PCDH11X: variants seen among roughly 807,000 people sequenced by gnomAD.
PCDH11X encodes the protein protocadherin 11 X-linked, also known as protocadherin-11 X-linked.
Under a neutral mutation model 53.3 loss-of-function variants are expected in PCDH11X, and 18 were observed. The ratio of observed to expected loss-of-function variants is 0.34; its 90% CI spans 0.23 to 0.50. The LOEUF (loss-of-function observed/expected upper bound fraction) is 0.50, where lower values mean the gene tolerates loss of function less well. PCDH11X is among the 20% of genes least tolerant of loss of function. The pLI, the probability that PCDH11X is intolerant of heterozygous loss-of-function variation, is 0.98. For missense variants in PCDH11X, 570 were observed against 1,032.4 expected, an observed-to-expected ratio of 0.55 and a Z score of 6.14; for synonymous variants, 279 against 393.3, an observed-to-expected ratio of 0.71 and a Z score of 3.44.
At chrX:92,125,730 T>C (rs2064848708) in intron 6 of PCDH11X, among the ~76,000 whole-genome samples, 1 of 110,391 alleles carries the variant, frequency 9.1e-6, no homozygotes, top group Non-Finnish European at 1.9e-5. Flanking sequence ...ACACGTGCCA[T>C]GTTGGTGTGC....
At chrX:92,505,700 A>G (rs5941091) in intron 10 of PCDH11X, among the ~76,000 whole-genome samples, 50,405 of 109,348 alleles carry the variant, frequency 0.46, 8,912 homozygotes, top group East Asian at 0.85. Context: ...TTGATTCCAC[A>G]TAAGTTTTAG....
At chrX:92,590,778 G>C (rs1411213847) in intron 10 of PCDH11X, among the ~76,000 whole-genome samples, 2 of 110,158 alleles carry the variant, frequency 1.8e-5, no homozygotes, top group Non-Finnish European at 3.8e-5. Context: ...TTGTATTTGT[G>C]GATGGTATCT....
At chrX:92,149,644 C>T (rs1433890762) in intron 6 of PCDH11X, among the ~76,000 whole-genome samples, 1 of 110,073 alleles carries the variant, frequency 9.1e-6, no homozygotes, top group Non-Finnish European at 1.9e-5. Flanking sequence ...TCAAAATGTA[C>T]AATTTGCTCA....
chrX:91,875,570 C>T (rs1245402899), intron 5 of PCDH11X, among the ~76,000 whole-genome samples: 9 of 110,165 alleles, frequency 8.2e-5, no homozygotes, highest in Non-Finnish European at 1.7e-4. Flanking sequence ...GAATTACAGG[C>T]GTGAGCCACC....
At chrX:92,378,804 G>A (rs981210501) in intron 8 of PCDH11X, among the ~76,000 whole-genome samples, 14 of 112,363 alleles carry the variant, frequency 1.2e-4, no homozygotes. Context: ...CTACCCTCAT[G>A]ACCTAAGCAC....
rs764980657 is a variant in PCDH11X, at chrX:91,898,128, G to A, written c.3033+18855G>A. The stretch of plus-strand genomic sequence containing the variant: ...GAGATAGTATAAAAAAATGTACATA[G>A]CACAGCATAAAGGAGTCAATAAGTA... On this transcript the variant is annotated intron_variant, in intron 6 of 10. Coordinates refer to ENST00000682573, the MANE Select transcript of PCDH11X (RefSeq NM_032968.5). Among the ~76,000 whole-genome samples, 317 of 110,783 alleles carry A rather than the reference G, an allele frequency of 2.9e-3. 1 individual carries two copies. Among genetic ancestry groups the A allele is most frequent in the African/African-American group, 9.5e-3 (289 of 30,463 alleles).
intron 8 of PCDH11X, among the ~76,000 whole-genome samples, chrX:92,285,967 G>A (rs1176873021): frequency 1.8e-5 from 2 of 112,669 alleles, no homozygotes; most frequent in Non-Finnish European, 3.7e-5. Context: ...GCAGGAACAT[G>A]TCCTTAAGGC....
At chrX:91,790,802 T>C (rs1441624769) in intron 1 of PCDH11X, among the ~76,000 whole-genome samples, 1 of 111,445 alleles carries the variant, frequency 9.0e-6, no homozygotes. Flanking sequence ...AGAAACAGTA[T>C]CAAGTTAAAA....
chrX:92,141,850 G>A (rs1231887038), intron 6 of PCDH11X, among the ~76,000 whole-genome samples: 1 of 111,484 alleles, frequency 9.0e-6, no homozygotes, highest in African/African-American at 3.3e-5. Flanking sequence ...ACATGTTTCT[G>A]ATTCCCCGGA....
chrX:92,321,153 G>A (rs2148492977), intron 8 of PCDH11X, among the ~76,000 whole-genome samples: 1 of 106,574 alleles, frequency 9.4e-6, no homozygotes, highest in East Asian at 3.0e-4. Flanking sequence ...ACAGGAGGTC[G>A]GTTAGTCAGT....
chrX:92,588,361 T>A (rs1189951610), intron 10 of PCDH11X, among the ~76,000 whole-genome samples: 5 of 77,145 alleles, frequency 6.5e-5, no homozygotes, highest in Non-Finnish European at 1.1e-4. Flanking sequence ...CATATACTTG[T>A]GTGTGTGTGT....
At chrX:92,286,243 C>T (rs887424037) in intron 8 of PCDH11X, among the ~76,000 whole-genome samples, 4 of 107,395 alleles carry the variant, frequency 3.7e-5, no homozygotes, top group East Asian at 3.0e-4. Context: ...ATCACGCCTA[C>T]GTAATTTTTG....
At chrX:92,316,846 C>T (rs754920865) in intron 8 of PCDH11X, among the ~76,000 whole-genome samples, 127 of 110,100 alleles carry the variant, frequency 1.2e-3, no homozygotes, top group African/African-American at 3.8e-3. Flanking sequence ...CAAGCAACTT[C>T]CTTTCTGAAT....
At chrX:92,137,475 A>C (rs2065101181) in intron 6 of PCDH11X, among the ~76,000 whole-genome samples, 1 of 110,834 alleles carries the variant, frequency 9.0e-6, no homozygotes. Flanking sequence ...AAAATAAGAA[A>C]AACGTTTTCA....
intron 4 of PCDH11X, among the ~76,000 whole-genome samples, chrX:91,820,671 G>A (rs1428036818): frequency 1.9e-5 from 2 of 102,891 alleles, no homozygotes; most frequent in Non-Finnish European, 1.9e-5. Flanking sequence ...AAGCACTTTA[G>A]TTTAATTAGA....
At chrX:92,419,862 A>G (rs1246463606) in intron 9 of PCDH11X, among the ~76,000 whole-genome samples, 1 of 107,677 alleles carries the variant, frequency 9.3e-6, no homozygotes, top group Non-Finnish European at 1.9e-5. Flanking sequence ...TTGTATTTTT[A>G]GTAGAGACGG....
chrX:91,826,355 C>T (rs1316363317), intron 4 of PCDH11X, among the ~76,000 whole-genome samples: 1 of 111,285 alleles, frequency 9.0e-6, no homozygotes, highest in South Asian at 3.8e-4. Context: ...GAACCCAGTA[C>T]ATGCTTTTAT....
intron 10 of PCDH11X, among the ~76,000 whole-genome samples, chrX:92,480,286 G>A (rs1172799916): frequency 9.0e-6 from 1 of 111,283 alleles, no homozygotes; most frequent in Admixed American, 9.6e-5. Context: ...TTTGAATTGG[G>A]TTTCAATGTA....
intron 8 of PCDH11X, among the ~76,000 whole-genome samples, chrX:92,272,360 T>C (rs1269576175): frequency 1.8e-5 from 2 of 111,883 alleles, no homozygotes; most frequent in Non-Finnish European, 3.8e-5. Context: ...ACATTTAATA[T>C]TTAAGCTGGA....
Sources: gnomAD v4.1 joint callset for allele counts (sites outside exome capture counted in the v4.1 genomes callset) on GRCh38, gnomAD v4.1.1 for gene constraint, MANE v1.5 for transcripts, NCBI Gene and HGNC (gene_info 2026-07-23, HGNC 2026-07-21) for gene names.